ERCC4: variants seen among roughly 807,000 people sequenced by gnomAD.
The protein encoded by ERCC4 is ERCC excision repair 4, endonuclease catalytic subunit, also known as DNA repair endonuclease XPF.
ERCC4 carries 65 observed loss-of-function variants against 76.9 expected under a neutral mutation model. That is an observed-to-expected ratio of 0.84 (90% CI 0.69 to 1.04). The LOEUF is 1.04. Among genes scored for constraint, ERCC4 ranks in the 50% least tolerant of loss-of-function variants. The pLI, the probability that ERCC4 is intolerant of heterozygous loss-of-function variation, is 0.00. For missense variants in ERCC4, 1,214 were observed against 1,128.2 expected (o/e 1.08, Z -1.09); for synonymous variants, 463 against 410.1 (o/e 1.13, Z -1.56).
chr16:13,950,331 A>T lies in ERCC4; in HGVS notation c.*1984A>T. The T allele has an allele frequency of 5.3e-6, 1 of 188,554 alleles. No individual in the cohort carries two copies. The highest frequency in any genetic ancestry group is 1.1e-5 in the Non-Finnish European group (1 of 89,520). 11.7% of individuals were successfully genotyped at this position (188,554 alleles called of 1,614,324 possible). Reference sequence around the variant, plus strand: ...TTGGCATCTTGATTTATTGGTACTTAACAGTATATATGGATTTTGAACTCT... The same window carrying T: ...TTGGCATCTTGATTTATTGGTACTTTACAGTATATATGGATTTTGAACTCT... On this transcript the variant is annotated 3_prime_UTR_variant, in exon 11 of 11. Coordinates refer to ENST00000311895, the MANE Select transcript of ERCC4 (RefSeq NM_005236.3).
chr16:13,937,356 C>A (rs550350629), intron 8 of ERCC4, among the ~76,000 whole-genome samples: 4 of 151,958 alleles, frequency 2.6e-5, no homozygotes, highest in African/African-American at 7.3e-5. Flanking sequence ...TTAAAAAAAA[C>A]GTTCATAGGC....
intron 3 of ERCC4, 126 bp from the exon 4 acceptor site, chr16:13,927,902 C>T: frequency 1.4e-6 from 1 of 706,534 alleles, no homozygotes; most frequent in African/African-American, 1.8e-5. Context: ...CTTTGCTTTT[C>T]ATTTGTTTGT....
intron 10 of ERCC4, among the ~76,000 whole-genome samples, chr16:13,947,273 G>A (rs1398884903): frequency 6.6e-6 from 1 of 152,132 alleles, no homozygotes; most frequent in Admixed American, 6.5e-5. Context: ...TCTACCCTCA[G>A]GCTTTGTCCT....
chr16:13,930,674 A>G (rs749443851), intron 4 of ERCC4, 36 bp from the exon 5 acceptor site: 3 of 1,458,162 alleles, frequency 2.1e-6, no homozygotes. Context: ...TATACTTAAC[A>G]TATTTTAGCA....
intron 4 of ERCC4, among the ~76,000 whole-genome samples, chr16:13,929,451 TCTC>T (rs1390248420): frequency 6.6e-6 from 1 of 152,224 alleles, no homozygotes; most frequent in Non-Finnish European, 1.5e-5. Context: ...TCCAGATACT[TCTC>T]CTGCTCATTA....
At chr16:13,932,658 TC>T in intron 6 of ERCC4, 1 of 286,438 alleles carries the variant, frequency 3.5e-6, no homozygotes, top group South Asian at 5.0e-5. Flanking sequence ...ACACCTATAA[TC>T]CCAGCCCTTT....
At chr16:13,930,335 T>C (rs533620899) in intron 4 of ERCC4, among the ~76,000 whole-genome samples, 5 of 152,106 alleles carry the variant, frequency 3.3e-5, no homozygotes, top group Non-Finnish European at 7.4e-5. Context: ...ATATCTGAGC[T>C]ACATGCTTAG....
In ERCC4 at chr16:13,947,857, G is replaced by A. The variant is rs143357336; in HGVS notation, c.2261G>A (p.Arg754His). 29 of 1,613,990 alleles carry A rather than the reference G, an allele frequency of 1.8e-5. No homozygotes were observed. The highest frequency in any genetic ancestry group is 1.5e-4 in the African/African-American group (11 of 74,892). The change falls in exon 11 of 11, where the codon CGT becomes CAT. Residue 754 changes from arginine (R) to histidine (H), a missense_variant. Physicochemically the swap from Arg to His is conservative, Grantham distance 29. Coordinates refer to ENST00000311895, the MANE Select transcript of ERCC4 (RefSeq NM_005236.3). The part of the protein sequence containing the change: ...QCISMSRYYK[R>H]PVLLIEFDPS... ...ATCTCCATGTCCCGCTACTACAAGC[G>A]TCCCGTGCTTCTGATTGAGTTTGAC...
chr16:13,944,190 AATCTTG>A (rs2032471587), intron 9 of ERCC4: 1 of 157,540 alleles, frequency 6.3e-6, no homozygotes, highest in African/African-American at 2.4e-5. Flanking sequence ...TCTATTTCAA[AATCTTG>A]ATCTTGATTT....
intron 5 of ERCC4, 120 bp from the exon 6 acceptor site, chr16:13,932,037 G>T: frequency 1.2e-6 from 1 of 855,954 alleles, no homozygotes; most frequent in Non-Finnish European, 2.0e-6. Flanking sequence ...GTGGGAGGCG[G>T]TGTGGTTGGT....
In ERCC4 at chr16:13,934,294, G is replaced by C; in HGVS notation, c.1205G>C (p.Gly402Ala). ...GAAAATAAGGAGAGTGAAGCTCTTG[G>C]TGGTCCAGGTAGGAAAAAAGGAGAT... is the stretch of plus-strand genomic sequence containing the variant. Reference protein sequence around the residue: ...EAENKESEALGGPGQVLICAS... With the variant: ...EAENKESEALAGPGQVLICAS... The change falls in exon 7 of 11, where the codon GGT (glycine) becomes GCT (alanine). Residue 402 changes from glycine to alanine, a missense_variant. Coordinates refer to ENST00000311895, the MANE Select transcript of ERCC4 (RefSeq NM_005236.3). The C allele has an allele frequency of 6.2e-7, 1 of 1,605,808 alleles. No individual in the cohort carries two copies. Among genetic ancestry groups the C allele is most frequent in the Non-Finnish European group, 8.5e-7 (1 of 1,172,648 alleles).
rs1261499194 is a variant in ERCC4, at chr16:13,937,866, A to G, written c.1904+8A>G. Reference sequence around the variant, plus strand: ...TTTTGAAAAACTCATAAGGTAATACATAGAAAATCAGTATGAAAGCCCCAA... The same window carrying G: ...TTTTGAAAAACTCATAAGGTAATACGTAGAAAATCAGTATGAAAGCCCCAA... On this transcript the variant is annotated splice_region_variant and intron_variant, in intron 9 of 10. Transcript: ENST00000311895. 3.2e-6 allele frequency: 5 copies of G among 1,565,524 alleles called. No homozygotes were observed. Among genetic ancestry groups the G allele is most frequent in the East Asian group, 2.2e-5 (1 of 44,660 alleles).
At chr16:13,937,482 A>T (rs1478107180) in intron 8 of ERCC4, among the ~76,000 whole-genome samples, 1 of 152,158 alleles carries the variant, frequency 6.6e-6, no homozygotes, top group Non-Finnish European at 1.5e-5. Flanking sequence ...AGTTATGAGG[A>T]GAGAATTATT....
Position 13,952,130 on chromosome 16 carries a change from G to A in ERCC4, c.*3783G>A, listed in dbSNP as rs1357612937. On this transcript the variant is annotated 3_prime_UTR_variant, in exon 11 of 11. Transcript: ENST00000311895. ...ATTTGGATGGGAGTGAGACATAACT[G>A]ATTTATATGAATTTTAACAGAGTTG... 1 of 189,942 alleles carries A rather than the reference G, an allele frequency of 5.3e-6. No homozygotes were observed. The highest frequency in any genetic ancestry group is 1.1e-5 in the Non-Finnish European group (1 of 90,830). 11.8% of individuals were successfully genotyped at this position (189,942 alleles called of 1,614,324 possible).
Position 13,926,774 on chromosome 16 carries a change from A to T in ERCC4, c.584+18A>T. 6.4e-7 allele frequency: 1 copy of T among 1,559,850 alleles called. No individual in the cohort carries two copies. Among genetic ancestry groups the T allele is most frequent in the Non-Finnish European group, 8.8e-7 (1 of 1,130,884 alleles). ...TGGCCAAGGTAAAGAACATTATGTGACAAATAATGATGACATTATTTGTCA... is the reference window on the plus strand; with the variant it reads ...TGGCCAAGGTAAAGAACATTATGTGTCAAATAATGATGACATTATTTGTCA... On this transcript the variant is annotated intron_variant, in intron 3 of 10. Coordinates refer to ENST00000311895, the MANE Select transcript of ERCC4 (RefSeq NM_005236.3).
In ERCC4 at chr16:13,951,305, T is replaced by C. The variant is rs2032626100; in HGVS notation, c.*2958T>C. ...AATATCCAGTGTACTTATGAACTCA[T>C]GTTTGGCTCTTTTAAAACCTTTTCT... On this transcript the variant is annotated 3_prime_UTR_variant, in exon 11 of 11. Transcript: ENST00000311895. The C allele has an allele frequency of 5.2e-6, 1 of 191,472 alleles. No homozygotes were observed. Among genetic ancestry groups the C allele is most frequent in the South Asian group, 1.9e-4 (1 of 5,180 alleles). The allele number at this position is 191,472 out of a possible 1,614,324, so 11.9% of individuals were successfully genotyped here. A position where few individuals can be genotyped will look rare whatever the true frequency, so the allele number is the denominator to read the frequency against.
rs1192175161 is a variant in ERCC4 at position 13,932,158 on chromosome 16, T to G, written c.975T>G (p.Gly325=). 5 of 1,613,060 alleles carry G rather than the reference T, an allele frequency of 3.1e-6. No homozygotes were observed. The highest frequency in any genetic ancestry group is 4.2e-6 in the Non-Finnish European group (5 of 1,179,138). ...TTTTCTTTTAACTTTTCGTATTAGGTTGGCTGTTTCTTGACTCCAGCACCT... is the reference window on the plus strand; with the variant it reads ...TTTTCTTTTAACTTTTCGTATTAGGGTGGCTGTTTCTTGACTCCAGCACCT... The part of the protein sequence containing the change: ...ATEKAFGQNS[G]WLFLDSSTSM... Residue 325 remains glycine (G), a splice_region_variant and synonymous_variant, in exon 6 of 11, where the codon GGT becomes GGG. Coordinates refer to ENST00000311895, the MANE Select transcript of ERCC4 (RefSeq NM_005236.3).
intron 2 of ERCC4, among the ~76,000 whole-genome samples, chr16:13,924,721 G>C (rs1048603633): frequency 6.6e-6 from 1 of 152,172 alleles, no homozygotes; most frequent in East Asian, 1.9e-4. Flanking sequence ...AGGATTGTCA[G>C]GGTGAAATGA....
In ERCC4 at chr16:13,926,682, C is replaced by A; in HGVS notation, c.510C>A (p.Ala170=). ...AAGCTTTCACAGACAATGCTGTTGC[C>A]TTTGATACTGGTTTTTGTCATGTGG... ...FIKAFTDNAV[A]FDTGFCHVER... Residue 170 remains alanine, a synonymous_variant, in exon 3 of 11, where the codon GCC becomes GCA. Coordinates refer to ENST00000311895, the MANE Select transcript of ERCC4 (RefSeq NM_005236.3). The A allele has an allele frequency of 6.2e-7, 1 of 1,614,056 alleles. No homozygotes were observed.
Sources: allele counts gnomAD v4.1 joint callset (sites outside exome capture counted in the v4.1 genomes callset), GRCh38; gene constraint gnomAD v4.1.1; transcripts MANE v1.5; gene names NCBI Gene and HGNC (gene_info 2026-07-23, HGNC 2026-07-21).